The following GFPT2 variants were observed in gnomAD, a reference collection of about 807,000 sequenced individuals.
GFPT2 encodes the protein glutamine--fructose-6-phosphate transaminase 2, also known as glutamine--fructose-6-phosphate aminotransferase [isomerizing] 2.
Under a neutral mutation model 85.6 loss-of-function variants are expected in GFPT2, and 62 were observed. The observed-to-expected ratio is 0.72, with a 90% CI of 0.59 to 0.90. The LOEUF (loss-of-function observed/expected upper bound fraction) is 0.90, where lower values mean the gene tolerates loss of function less well. Ranked by LOEUF, GFPT2 falls within the 40% of genes least tolerant of loss-of-function variation. The probability of loss-of-function intolerance (pLI) is 0.00; values close to 1 mark genes in which losing one functional copy is unlikely to be tolerated. For synonymous variants in GFPT2, 368 were observed against 344.5 expected, an observed-to-expected ratio of 1.07 and a Z score of -0.75; for missense variants, 788 against 893.4, an observed-to-expected ratio of 0.88 and a Z score of 1.50.
chr5:180,313,288 T>C (rs1386984400), intron 14 of GFPT2, among the ~76,000 whole-genome samples: 2 of 151,548 alleles, frequency 1.3e-5, no homozygotes, highest in African/African-American at 2.4e-5. Flanking sequence ...GGGAATAAAA[T>C]GAGACTAAAT....
At chr5:180,320,576 C>T (rs1561876777) in intron 9 of GFPT2, among the ~76,000 whole-genome samples, 1 of 151,992 alleles carries the variant, frequency 6.6e-6, no homozygotes, top group Non-Finnish European at 1.5e-5. Context: ...AGTTTGAGAC[C>T]AGCCTGGCCA....
rs745566290 is a variant in GFPT2, at chr5:180,313,860, C to G, written c.1378G>C (p.Asp460His). Residue 460 changes from aspartate (D) to histidine (H), a missense_variant, in exon 14 of 19, where the codon GAC becomes CAC. Coordinates refer to ENST00000253778, the MANE Select transcript of GFPT2 (RefSeq NM_005110.4). ...CCTGCGTTGATGTGGACGCCGCAGT[C>G]GGTCTCGCGAGAGATGGAGCTGCCC... ...TVGSSISRET[D>H]CGVHINAGPE... 6.2e-7 allele frequency: 1 copy of G among 1,601,650 alleles called. No homozygotes were observed. The highest frequency in any genetic ancestry group is 1.1e-5 in the South Asian group (1 of 89,902).
chr5:180,340,114 C>T (rs567247912), intron 1 of GFPT2, among the ~76,000 whole-genome samples: 2 of 152,234 alleles, frequency 1.3e-5, no homozygotes, highest in East Asian at 3.9e-4. Context: ...CTGGTGAGGG[C>T]CCGTTCCTCA....
At chr5:180,306,537 G>T (rs893904315) in intron 16 of GFPT2, among the ~76,000 whole-genome samples, 3 of 152,164 alleles carry the variant, frequency 2.0e-5, no homozygotes, top group African/African-American at 7.2e-5. Flanking sequence ...CCCTGTCCCT[G>T]CCCCATCAGC....
chr5:180,352,405 C>T, intron 1 of GFPT2: 1 of 455,244 alleles, frequency 2.2e-6, no homozygotes, highest in South Asian at 1.6e-5. Context: ...GGCTCTCTCC[C>T]GGCCAGCGGA....
Position 180,338,492 on chromosome 5 carries a change from C to A in GFPT2, c.115+1G>T. ...CACGAGGCGGGCGGCCGCACACCCA[C>A]CTGCCGAGTCGTAGCCTCTGTACTC... is the stretch of plus-strand genomic sequence containing the variant. On this transcript the variant is annotated splice_donor_variant, in intron 2 of 18. Transcript: ENST00000253778. LOFTEE classifies it high-confidence loss of function. 1 of 1,577,614 alleles carries A rather than the reference C, an allele frequency of 6.3e-7. No homozygotes were observed. The highest frequency in any genetic ancestry group is 8.7e-7 in the Non-Finnish European group (1 of 1,147,868).
Position 180,304,893 on chromosome 5 carries a change from C to T in GFPT2, c.1721G>A (p.Gly574Glu), listed in dbSNP as rs758693715. Residue 574 changes from glycine (G) to glutamate (E), a missense_variant, in exon 17 of 19, where the codon GGG becomes GAG. Coordinates refer to ENST00000253778, the MANE Select transcript of GFPT2 (RefSeq NM_005110.4). ...TGCCAGGGGCCCGTGCTTCAGCTCC[C>T]CAGCCAGGATGCCTTCTGAGTGCAT... ...TYMHSEGILA[G>E]ELKHGPLALI... 1.2e-6 allele frequency: 2 copies of T among 1,613,390 alleles called. No individual in the cohort carries two copies. The highest frequency in any genetic ancestry group is 4.5e-5 in the East Asian group (2 of 44,874).
chr5:180,321,762 GT>G (rs1764125051), intron 9 of GFPT2, among the ~76,000 whole-genome samples: 2 of 9,692 alleles, frequency 2.1e-4, no homozygotes, highest in African/African-American at 1.2e-3. Flanking sequence ...AATATGGAGG[GT>G]TTTGTTTTGT....
Position 180,323,402 on chromosome 5 carries a change from G to A in GFPT2, c.794+786C>T, listed in dbSNP as rs544347253. On this transcript the variant is annotated intron_variant, in intron 9 of 18. Transcript: ENST00000253778. This position sits in a 1 kb window ranked among gnomAD's most constrained non-coding sequence, Gnocchi z 4.0. ...AGCACGGCCCTATTAGAGGCTGGTC[G>A]GGAAAGAGAAAACCCATCAAGAATG... 3.3e-5 allele frequency among the ~76,000 whole-genome samples: 5 copies of A among 152,124 alleles called. No homozygotes were observed. Among genetic ancestry groups the A allele is most frequent in the South Asian group, 4.2e-4 (2 of 4,816 alleles).
intron 6 of GFPT2, among the ~76,000 whole-genome samples, chr5:180,329,814 C>T (rs988347886): frequency 4.6e-5 from 7 of 152,236 alleles, no homozygotes; most frequent in African/African-American, 1.7e-4. Flanking sequence ...GCCCGGACCC[C>T]TCTCGTCCTC....
chr5:180,349,586 C>G (rs1446651659), intron 1 of GFPT2, among the ~76,000 whole-genome samples: 1 of 152,092 alleles, frequency 6.6e-6, no homozygotes, highest in Non-Finnish European at 1.5e-5. Context: ...CCAAGGAACG[C>G]GGCAGCCCCA....
At position 180,353,328 on chromosome 5, in the gene GFPT2, G is replaced by A. The variant is rs4572964; in HGVS notation, c.-111C>T. 0.066 allele frequency: 53,362 copies of A among 811,662 alleles called. 2,430 individuals are homozygous for A. The highest frequency in any genetic ancestry group is 0.23 in the African/African-American group (10,578 of 46,000). The allele number at this position is 811,662 out of a possible 1,614,324, so 50.3% of individuals were successfully genotyped here. ...TCCGTGGGCTCCGTGGGCTCCGCGG[G>A]CTCCAGCTCCCGTCCGCTCGGCCTC... On this transcript the variant is annotated 5_prime_UTR_variant, in exon 1 of 19. Coordinates refer to ENST00000253778, the MANE Select transcript of GFPT2 (RefSeq NM_005110.4).
At chr5:180,333,726 A>T (rs1048612720) in intron 4 of GFPT2, among the ~76,000 whole-genome samples, 8 of 152,134 alleles carry the variant, frequency 5.3e-5, no homozygotes, top group African/African-American at 1.9e-4. Flanking sequence ...ATCACTGCTG[A>T]GTGTCAAAGA....
chr5:180,335,042 G>A (rs958238051), intron 4 of GFPT2, among the ~76,000 whole-genome samples: 2 of 152,188 alleles, frequency 1.3e-5, no homozygotes, highest in African/African-American at 4.8e-5. Flanking sequence ...CTGGCCTGAG[G>A]GGGTGACTGG....
Position 180,330,593 on chromosome 5 carries a change from C to A in GFPT2, c.534+107G>T, listed in dbSNP as rs1581382336. ...CAGGACTCTGTGCAAGTTTGTCTAA[C>A]AAGGGCTTATAAAAAATGAAGGATT... On this transcript the variant is annotated intron_variant, in intron 6 of 18. Transcript: ENST00000253778. This position sits in a 1 kb window ranked among gnomAD's most constrained non-coding sequence, Gnocchi z 4.4. The A allele has an allele frequency of 1.3e-5, 12 of 917,576 alleles. No homozygotes were observed. The highest frequency in any genetic ancestry group is 1.9e-5 in the Non-Finnish European group (11 of 582,818). 56.8% of individuals were successfully genotyped at this position (917,576 alleles called of 1,614,324 possible). A position where few individuals can be genotyped will look rare whatever the true frequency, so the allele number is the denominator to read the frequency against.
chr5:180,312,800 A>G (rs1319623252), intron 14 of GFPT2, among the ~76,000 whole-genome samples: 1 of 151,772 alleles, frequency 6.6e-6, no homozygotes, highest in African/African-American at 2.4e-5. Context: ...TTTTTGAGAC[A>G]AAGTCTTGCT....
In GFPT2 at chr5:180,324,129, T is replaced by C. The variant is rs1328324049; in HGVS notation, c.794+59A>G. The stretch of plus-strand genomic sequence containing the variant: ...AGGATGAATAAGAACCGGCAGTGTT[T>C]AGACAGGCATTCTTTGATTATGTAA... On this transcript the variant is annotated intron_variant, in intron 9 of 18. Coordinates refer to ENST00000253778, the MANE Select transcript of GFPT2 (RefSeq NM_005110.4). 8.4e-6 allele frequency: 8 copies of C among 950,282 alleles called. No homozygotes were observed. In the East Asian group the frequency reaches 1.7e-4, roughly 20 times the overall value. 58.9% of individuals were successfully genotyped at this position (950,282 alleles called of 1,614,324 possible). A position where few individuals can be genotyped will look rare whatever the true frequency, so the allele number is the denominator to read the frequency against.
intron 15 of GFPT2, among the ~76,000 whole-genome samples, chr5:180,310,564 C>G (rs1301815057): frequency 1.3e-5 from 2 of 151,764 alleles, no homozygotes; most frequent in African/African-American, 4.8e-5. Context: ...GCACCTGCCA[C>G]CACATCCAGC....
At chr5:180,334,696 A>C (rs1399028316) in intron 4 of GFPT2, among the ~76,000 whole-genome samples, 1 of 152,190 alleles carries the variant, frequency 6.6e-6, no homozygotes, top group Non-Finnish European at 1.5e-5. Flanking sequence ...CTCCCCTGGC[A>C]TGTCCAGGTT....
Sources: allele counts gnomAD v4.1 joint callset (sites outside exome capture counted in the v4.1 genomes callset), GRCh38; gene constraint gnomAD v4.1.1; non-coding constraint Gnocchi (gnomAD v3.1); transcripts MANE v1.5; gene names NCBI Gene and HGNC (gene_info 2026-07-23, HGNC 2026-07-21).